Variants in ADAMTSL3 observed in about 807,000 individuals in gnomAD.
ADAMTSL3 encodes ADAMTS like 3, also known as ADAMTS-like protein 3.
In ADAMTSL3, 128 loss-of-function variants were observed where a neutral mutation model predicts 201.7. That is an observed-to-expected ratio of 0.63 (90% CI 0.55 to 0.73). The LOEUF (loss-of-function observed/expected upper bound fraction) is 0.73, where lower values mean the gene tolerates loss of function less well. ADAMTSL3 is among the 30% of genes least tolerant of loss of function. The pLI is 0.00. For missense variants in ADAMTSL3, 1,990 were observed against 2,119.6 expected (o/e 0.94, Z 1.20); for synonymous variants, 738 against 748.4 (o/e 0.99, Z 0.23).
intron 19 of ADAMTSL3, among the ~76,000 whole-genome samples, chr15:83,964,736 T>C (rs987876829): frequency 6.6e-6 from 1 of 152,054 alleles, no homozygotes; most frequent in African/African-American, 2.4e-5. Flanking sequence ...TTTACCATGA[T>C]TGAAATGAAG....
intron 23 of ADAMTSL3, among the ~76,000 whole-genome samples, chr15:84,009,256 T>A (rs1194150517): frequency 6.6e-6 from 1 of 152,212 alleles, no homozygotes; most frequent in Non-Finnish European, 1.5e-5. Flanking sequence ...TGTCACCTAC[T>A]GCTCTTTTCC....
chr15:83,801,608 G>C (rs2063514094), intron 4 of ADAMTSL3, among the ~76,000 whole-genome samples: 1 of 124,088 alleles, frequency 8.1e-6, no homozygotes, highest in African/African-American at 2.9e-5. Context: ...ATAAGCACAA[G>C]AAAAGGTCAA....
intron 7 of ADAMTSL3, among the ~76,000 whole-genome samples, chr15:83,853,747 ATTGG>A (rs2064667667): frequency 6.6e-6 from 1 of 152,186 alleles, no homozygotes; most frequent in Admixed American, 6.5e-5. Context: ...TGTTAATGAC[ATTGG>A]AATGTAGTTT....
At position 83,942,711 on chromosome 15, in the gene ADAMTSL3, G is replaced by A. The variant is rs147543881; in HGVS notation, c.2233G>A (p.Asp745Asn). Reference protein sequence around the residue: ...ETPAPPEECRDEKPHALQACN... With the variant: ...ETPAPPEECRNEKPHALQACN... ...CCCTGCCCCTCCTGAGGAGTGCCGA[G>A]ATGAAAAGCCCCATGCTTTACAAGC... The change falls in exon 18 of 30, where the codon GAT becomes AAT. Residue 745 changes from aspartate (D) to asparagine (N), a missense_variant. Coordinates refer to ENST00000286744, the MANE Select transcript of ADAMTSL3 (RefSeq NM_207517.3). The A allele has an allele frequency of 6.2e-7, 1 of 1,613,878 alleles. No homozygotes were observed. Among genetic ancestry groups the A allele is most frequent in the African/African-American group, 1.3e-5 (1 of 74,870 alleles).
chr15:83,946,953 A>G (rs902488783), intron 19 of ADAMTSL3, among the ~76,000 whole-genome samples: 11 of 152,204 alleles, frequency 7.2e-5, no homozygotes, highest in African/African-American at 2.7e-4. Context: ...ACGCACAAGA[A>G]AACAGAGGCA....
chr15:83,765,247 T>C (rs1232427152), intron 3 of ADAMTSL3, among the ~76,000 whole-genome samples: 1 of 152,226 alleles, frequency 6.6e-6, no homozygotes, highest in African/African-American at 2.4e-5. Context: ...TATTTTAAAA[T>C]TTCTTTTGTT....
rs189520161 is a variant in ADAMTSL3, at chr15:84,017,859, C to T, written c.4273+1360C>T. 1.4e-4 allele frequency among the ~76,000 whole-genome samples: 21 copies of T among 152,262 alleles called. 1 individual carries two copies. Among genetic ancestry groups the T allele is most frequent in the Admixed American group, 7.2e-4 (11 of 15,300 alleles). Reference sequence around the variant, plus strand: ...CACAGTCTGAAGAGGGAGGCAGTCACGTAAACAGATACTGTAAAGCACTGG... The same window carrying T: ...CACAGTCTGAAGAGGGAGGCAGTCATGTAAACAGATACTGTAAAGCACTGG... On this transcript the variant is annotated intron_variant, in intron 25 of 29. Coordinates refer to ENST00000286744, the MANE Select transcript of ADAMTSL3 (RefSeq NM_207517.3).
intron 3 of ADAMTSL3, among the ~76,000 whole-genome samples, chr15:83,760,457 T>C (rs2062790466): frequency 6.6e-6 from 1 of 152,162 alleles, no homozygotes; most frequent in South Asian, 2.1e-4. Context: ...ACAAAAAATA[T>C]ATATTCTGAG....
intron 9 of ADAMTSL3, 62 bp downstream of exon 9, chr15:83,871,021 A>G (rs2065070374): frequency 1.3e-6 from 2 of 1,570,520 alleles, no homozygotes; most frequent in Non-Finnish European, 8.6e-7. Context: ...GATTTTTAAA[A>G]CAATGAGTTT....
chr15:83,857,728 T>C lies in ADAMTSL3; in HGVS notation c.728-1038T>C, dbSNP rs557011124. Among the ~76,000 whole-genome samples the C allele has an allele frequency of 7.9e-5, 12 of 152,340 alleles. No individual in the cohort carries two copies. The South Asian group carries it at 2.5e-3, about 32-fold the overall frequency. On this transcript the variant is annotated intron_variant, in intron 7 of 29. Transcript: ENST00000286744. ...TTTTAATAATAAACAGGTATTTCTA[T>C]TTAATAAAAACTTGCAAACTAGTCA... is the stretch of plus-strand genomic sequence containing the variant.
intron 2 of ADAMTSL3, among the ~76,000 whole-genome samples, chr15:83,675,443 T>G (rs1353995558): frequency 6.6e-6 from 1 of 152,190 alleles, no homozygotes; most frequent in African/African-American, 2.4e-5. Flanking sequence ...TTTCAGGTAT[T>G]GAACCAGCCT....
At chr15:83,932,658 G>A (rs1223758386) in intron 17 of ADAMTSL3, among the ~76,000 whole-genome samples, 2 of 152,168 alleles carry the variant, frequency 1.3e-5, no homozygotes, top group Non-Finnish European at 2.9e-5. Context: ...TTATGTAGGA[G>A]TAGGGTTTAT....
chr15:83,901,190 T>TCA (rs1567224366), intron 15 of ADAMTSL3, among the ~76,000 whole-genome samples: 4 of 151,958 alleles, frequency 2.6e-5, no homozygotes, highest in African/African-American at 7.3e-5. Flanking sequence ...GGGGAATGGC[T>TCA]TCACAGTATT....
chr15:83,680,781 A>AT (rs1284707606), intron 2 of ADAMTSL3, among the ~76,000 whole-genome samples: 1 of 151,526 alleles, frequency 6.6e-6, no homozygotes, highest in African/African-American at 2.4e-5. Context: ...TCCTTTCATT[A>AT]TTTTTTTATA....
chr15:83,958,875 A>G (rs1330200232), intron 19 of ADAMTSL3, among the ~76,000 whole-genome samples: 1 of 152,190 alleles, frequency 6.6e-6, no homozygotes, highest in Non-Finnish European at 1.5e-5. Context: ...CACTAGAAGA[A>G]ACTCAAGAAT....
chr15:83,965,473 A>G (rs566720585), intron 19 of ADAMTSL3, among the ~76,000 whole-genome samples: 2 of 152,350 alleles, frequency 1.3e-5, no homozygotes, highest in East Asian at 3.9e-4. Flanking sequence ...CAATGCAACA[A>G]GAAGAGCTAA....
chr15:83,669,658 C>T (rs886729726), intron 2 of ADAMTSL3, among the ~76,000 whole-genome samples: 23 of 150,774 alleles, frequency 1.5e-4, no homozygotes, highest in Non-Finnish European at 2.8e-4. Context: ...TTAGTAGAGA[C>T]GGGGTTTCAC....
At chr15:84,027,460 C>T (rs1469609068) in intron 27 of ADAMTSL3, among the ~76,000 whole-genome samples, 3 of 152,204 alleles carry the variant, frequency 2.0e-5, no homozygotes, top group Non-Finnish European at 4.4e-5. Context: ...CGCGGTGACT[C>T]ACACCTGTAA....
rs140058228 is a variant in ADAMTSL3, at chr15:83,823,846, C to T, written c.600+3799C>T. Among the ~76,000 whole-genome samples the T allele has an allele frequency of 3.2e-3, 487 of 152,010 alleles. 4 individuals carry two copies. The highest frequency in any genetic ancestry group is 0.011 in the African/African-American group (463 of 41,436). On this transcript the variant is annotated intron_variant, in intron 6 of 29. Transcript: ENST00000286744. ...TCCTTTAGGCTCTTCCTACACTATC[C>T]ACCTCCCTGCCCTTTTAAAACAGAC...
Sources: allele counts gnomAD v4.1 joint callset (sites outside exome capture counted in the v4.1 genomes callset), GRCh38; gene constraint gnomAD v4.1.1; transcripts MANE v1.5; gene names NCBI Gene and HGNC (gene_info 2026-07-23, HGNC 2026-07-21).